NCOA2: variants seen among roughly 807,000 people sequenced by gnomAD.
The protein encoded by NCOA2 is nuclear receptor coactivator 2.
A neutral mutation model predicts 145.1 loss-of-function variants in NCOA2; 21 were observed. That is an observed-to-expected ratio of 0.14 (90% confidence interval 0.10 to 0.21). The LOEUF is 0.21. Ranked by LOEUF, NCOA2 falls within the 10% of genes least tolerant of loss-of-function variation. The pLI is 1.00. For missense variants in NCOA2, 1,472 were observed against 1,837.6 expected (o/e 0.80, Z 3.64); for synonymous variants, 619 against 637.5 (o/e 0.97, Z 0.44).
chr8:70,298,435 TAAG>T (rs1473145047), intron 1 of NCOA2, among the ~76,000 whole-genome samples: 1 of 152,128 alleles, frequency 6.6e-6, no homozygotes, highest in East Asian at 1.9e-4. Flanking sequence ...TATATGCAAA[TAAG>T]AAGTTATCAC....
In NCOA2 at chr8:70,345,547, G is replaced by A; in HGVS notation, c.-76-48747C>T. 2.6e-5 allele frequency among the ~76,000 whole-genome samples: 4 copies of A among 152,296 alleles called. 1 individual carries two copies. In the South Asian group the frequency reaches 8.3e-4, roughly 32 times the overall value. ...GTACCTTGTAAAATCCTATTAAAATGATGAATCATTCATAATTTAGATTTG... is the reference window on the plus strand; with the variant it reads ...GTACCTTGTAAAATCCTATTAAAATAATGAATCATTCATAATTTAGATTTG... On this transcript the variant is annotated intron_variant, in intron 1 of 22. Transcript: ENST00000452400.
chr8:70,399,490 T>C (rs1045932486), intron 1 of NCOA2, among the ~76,000 whole-genome samples: 3 of 152,246 alleles, frequency 2.0e-5, no homozygotes, highest in African/African-American at 7.2e-5. Flanking sequence ...GCTGATTTTA[T>C]GATTTGCTGC....
At chr8:70,365,759 A>C (rs958368207) in intron 1 of NCOA2, among the ~76,000 whole-genome samples, 10 of 152,222 alleles carry the variant, frequency 6.6e-5, no homozygotes, top group Non-Finnish European at 1.5e-4. Context: ...GAAGAACAGA[A>C]AACACTGCTC....
Position 70,157,183 on chromosome 8 carries a change from T to C in NCOA2, c.1182A>G (p.Pro394=). 1.3e-6 allele frequency: 2 copies of C among 1,596,816 alleles called. No individual in the cohort carries two copies. Among genetic ancestry groups the C allele is most frequent in the Non-Finnish European group, 1.7e-6 (2 of 1,168,840 alleles). The change falls in exon 11 of 23, where the codon CCA becomes CCG. Residue 394 remains proline, a synonymous_variant. Transcript: ENST00000452400. ...PDLTGQTMGK[P]LNPISSNSPA... ...GGCTGTTAGAGCTAATTGGATTCAG[T>C]GGCTTCCCCATCGTTTGTCCAGTCA...
rs1814095155 is a variant in NCOA2 at position 70,170,227 on chromosome 8, G to T, written c.516C>A (p.Val172=). 1 of 1,613,364 alleles carries T rather than the reference G, an allele frequency of 6.2e-7. No homozygotes were observed. The highest frequency in any genetic ancestry group is 2.2e-5 in the East Asian group (1 of 44,850). ...ILHVGDHTEF[V]KNLLPKSIVN... is the part of the protein sequence containing the mutation. The stretch of plus-strand genomic sequence containing the variant: ...CTATAGACTTTGGCAGCAGGTTTTT[G>T]ACAAATTCCGTGTGGTCCCCAACAT... Residue 172 remains valine (V), a synonymous_variant, in exon 6 of 23, where the codon GTC becomes GTA. Coordinates refer to ENST00000452400, the MANE Select transcript of NCOA2 (RefSeq NM_006540.4).
the NCOA2 span, among the ~76,000 whole-genome samples, chr8:70,446,702 C>T: frequency 1.3e-5 from 2 of 152,046 alleles, no homozygotes; most frequent in Non-Finnish European, 2.9e-5. Flanking sequence ...GTTTTTCCAT[C>T]TGATGGGAGA....
chr8:70,447,016 A>G, the NCOA2 span, among the ~76,000 whole-genome samples: 2 of 152,260 alleles, frequency 1.3e-5, no homozygotes, highest in Non-Finnish European at 2.9e-5. Context: ...AATCAAAGCA[A>G]TATAGAAAAT....
intron 4 of NCOA2, among the ~76,000 whole-genome samples, chr8:70,185,264 C>A (rs1248322202): frequency 6.6e-6 from 1 of 152,144 alleles, no homozygotes; most frequent in Non-Finnish European, 1.5e-5. Flanking sequence ...GAGGACCTCA[C>A]CAGTGTGGTT....
At chr8:70,175,293 A>C (rs1404579521) in intron 4 of NCOA2, among the ~76,000 whole-genome samples, 3 of 152,248 alleles carry the variant, frequency 2.0e-5, no homozygotes, top group Non-Finnish European at 4.4e-5. Flanking sequence ...AAGGACTCCT[A>C]AACTGCTATG....
At chr8:70,178,313 C>T (rs750980310) in intron 4 of NCOA2, among the ~76,000 whole-genome samples, 5 of 152,128 alleles carry the variant, frequency 3.3e-5, no homozygotes, top group Non-Finnish European at 7.4e-5. Context: ...TTGGATCTCA[C>T]AAAACATGTG....
At chr8:70,386,684 G>A (rs1209563191) in intron 1 of NCOA2, among the ~76,000 whole-genome samples, 1 of 152,242 alleles carries the variant, frequency 6.6e-6, no homozygotes, top group South Asian at 2.1e-4. Context: ...CTTCCTTAGT[G>A]ATAACCAGAG....
intron 1 of NCOA2, among the ~76,000 whole-genome samples, chr8:70,358,906 A>C (rs1020098049): frequency 6.6e-6 from 1 of 152,196 alleles, no homozygotes; most frequent in Non-Finnish European, 1.5e-5. Flanking sequence ...ACCGATTAAA[A>C]AATGAGCAAA....
Position 70,225,429 on chromosome 8 carries a change from A to G in NCOA2, c.-19-8665T>C, listed in dbSNP as rs1820538146. On this transcript the variant is annotated intron_variant, in intron 2 of 22. Coordinates refer to ENST00000452400, the MANE Select transcript of NCOA2 (RefSeq NM_006540.4). ...CCGGGTGTGTTGGCGCATGCCTGTA[A>G]TCCCAGCTACTCAGGAGGCTGAGGC... Among the ~76,000 whole-genome samples the G allele has an allele frequency of 2.6e-5, 4 of 151,938 alleles. No individual in the cohort carries two copies. The South Asian group carries it at 8.3e-4, about 32-fold the overall frequency.
At chr8:70,435,354 G>A in the NCOA2 span, among the ~76,000 whole-genome samples, 1 of 145,244 alleles carries the variant, frequency 6.9e-6, no homozygotes, top group African/African-American at 2.6e-5. Context: ...GAACCCAAGA[G>A]GCGGAGCTTG....
chr8:70,166,043 C>T (rs541252396), intron 7 of NCOA2, among the ~76,000 whole-genome samples: 1 of 152,178 alleles, frequency 6.6e-6, no homozygotes, highest in East Asian at 1.9e-4. Context: ...AGGATGGTCT[C>T]GATCTCCTGA....
intron 2 of NCOA2, among the ~76,000 whole-genome samples, chr8:70,284,522 G>A (rs1826103469): frequency 6.6e-6 from 1 of 152,178 alleles, no homozygotes; most frequent in African/African-American, 2.4e-5. Context: ...AAGCTAGAAA[G>A]GGAAGACTAT....
In NCOA2 at chr8:70,375,466, C is replaced by G. The variant is rs75649441; in HGVS notation, c.-77+28234G>C. The stretch of plus-strand genomic sequence containing the variant: ...TGTGTCCTTGGGAATCAGAAGGAAA[C>G]AGAATATGCTATTTCAGTAACCCCT... On this transcript the variant is annotated intron_variant, in intron 1 of 22. Coordinates refer to ENST00000452400, the MANE Select transcript of NCOA2 (RefSeq NM_006540.4). Among the ~76,000 whole-genome samples the G allele has an allele frequency of 5.2e-3, 795 of 152,184 alleles. 4 individuals carry two copies. The highest frequency in any genetic ancestry group is 0.011 in the Admixed American group (175 of 15,282).
At chr8:70,187,548 C>T (rs1816210394) in intron 4 of NCOA2, among the ~76,000 whole-genome samples, 1 of 152,142 alleles carries the variant, frequency 6.6e-6, no homozygotes, top group Non-Finnish European at 1.5e-5. Flanking sequence ...CCACAACAGA[C>T]AGATATACAG....
chr8:70,170,165 G>A, intron 6 of NCOA2, 37 bp downstream of exon 6: 1 of 1,595,854 alleles, frequency 6.3e-7, no homozygotes, highest in Admixed American at 1.7e-5. Context: ...AGGTGGGGGT[G>A]ACGGGAGGTA....
Sources: gnomAD v4.1 joint callset for allele counts (sites outside exome capture counted in the v4.1 genomes callset) on GRCh38, gnomAD v4.1.1 for gene constraint, MANE v1.5 for transcripts, NCBI Gene and HGNC (gene_info 2026-07-23, HGNC 2026-07-21) for gene names.